The following ARHGAP42 variants were observed in gnomAD, a reference collection of about 807,000 sequenced individuals.
The protein encoded by ARHGAP42 is rho GTPase-activating protein 42.
ARHGAP42 carries 63 observed loss-of-function variants against 125.0 expected under a neutral mutation model. That is an observed-to-expected ratio of 0.50 (90% CI 0.41 to 0.62). The LOEUF (loss-of-function observed/expected upper bound fraction) is 0.62, where lower values mean the gene tolerates loss of function less well. Ranked by LOEUF, ARHGAP42 falls within the 20% of genes least tolerant of loss-of-function variation. The pLI is 0.00. For synonymous variants in ARHGAP42, 339 were observed against 351.0 expected (o/e 0.97, Z 0.38); for missense variants, 766 against 1,024.2 (o/e 0.75, Z 3.44).
At chr11:100,891,930 T>C (rs761007095) in intron 4 of ARHGAP42, among the ~76,000 whole-genome samples, 4 of 152,134 alleles carry the variant, frequency 2.6e-5, no homozygotes, top group Non-Finnish European at 5.9e-5. Context: ...GAGTGAGAGC[T>C]AGCAGGGGAA....
At chr11:100,734,642 G>A (rs1309484838) in intron 1 of ARHGAP42, among the ~76,000 whole-genome samples, 1 of 152,184 alleles carries the variant, frequency 6.6e-6, no homozygotes, top group East Asian at 1.9e-4. Flanking sequence ...TTTTCTTAAA[G>A]TTTTCATGTA....
At chr11:100,949,786 T>C (rs980181317) in intron 11 of ARHGAP42, 131 bp from the exon 12 acceptor site, 18 of 476,450 alleles carry the variant, frequency 3.8e-5, no homozygotes, top group Non-Finnish European at 5.8e-5. Context: ...GGTGGTGCTG[T>C]GGACACAGCA....
chr11:100,887,477 T>C (rs922677503), intron 4 of ARHGAP42, among the ~76,000 whole-genome samples: 1 of 152,252 alleles, frequency 6.6e-6, no homozygotes, highest in Non-Finnish European at 1.5e-5. Context: ...TCATCTTTAT[T>C]TCTACTTTTT....
chr11:100,737,040 G>A (rs1252935660), intron 1 of ARHGAP42, among the ~76,000 whole-genome samples: 1 of 152,116 alleles, frequency 6.6e-6, no homozygotes, highest in Non-Finnish European at 1.5e-5. Context: ...AAGGAAAAAA[G>A]GAAGAGATAA....
At chr11:100,696,567 C>G (rs1346574809) in intron 1 of ARHGAP42, among the ~76,000 whole-genome samples, 1 of 152,028 alleles carries the variant, frequency 6.6e-6, no homozygotes, top group Non-Finnish European at 1.5e-5. Context: ...GTTGGTCAAG[C>G]TGGTCTCGAA....
At chr11:100,812,122 T>A (rs933695264) in intron 3 of ARHGAP42, among the ~76,000 whole-genome samples, 5 of 152,160 alleles carry the variant, frequency 3.3e-5, no homozygotes, top group African/African-American at 7.2e-5. Context: ...TTCTTATGAA[T>A]GAATGAGCCT....
rs1858386088 is a variant in ARHGAP42 at position 100,976,226 on chromosome 11, A to G, written c.2025A>G (p.Lys675=). 17 of 1,551,700 alleles carry G rather than the reference A, an allele frequency of 1.1e-5. No homozygotes were observed. Among genetic ancestry groups the G allele is most frequent in the East Asian group, 2.4e-5 (1 of 40,916 alleles). The part of the protein sequence containing the change: ...IATPSSSNGQ[K]SLGLWTTSPE... The stretch of plus-strand genomic sequence containing the variant: ...CCCCATCATCTTCCAATGGACAGAA[A>G]AGCCTTGGTCTGTGGACAACTAGTC... Residue 675 remains lysine (K), a synonymous_variant, in exon 20 of 24, where the codon AAA becomes AAG. Transcript: ENST00000298815.
intron 1 of ARHGAP42, among the ~76,000 whole-genome samples, chr11:100,745,184 T>C (rs1238809102): frequency 6.6e-6 from 1 of 152,138 alleles, no homozygotes; most frequent in Non-Finnish European, 1.5e-5. Context: ...GGAAGTTAAG[T>C]TTAAAAGTAG....
intron 4 of ARHGAP42, among the ~76,000 whole-genome samples, chr11:100,894,742 A>AT (rs1413205384): frequency 1.3e-5 from 2 of 152,142 alleles, no homozygotes; most frequent in African/African-American, 4.8e-5. Context: ...TTAATGTGAA[A>AT]TTTTGATAAT....
intron 12 of ARHGAP42, among the ~76,000 whole-genome samples, chr11:100,955,641 G>A (rs1857783318): frequency 6.6e-6 from 1 of 152,092 alleles, no homozygotes; most frequent in Non-Finnish European, 1.5e-5. Context: ...TATTTCTCCT[G>A]TGTAGGATAC....
chr11:100,879,411 A>G (rs1865904499), intron 4 of ARHGAP42, among the ~76,000 whole-genome samples: 1 of 152,162 alleles, frequency 6.6e-6, no homozygotes. Context: ...GAACTTCTCC[A>G]CCTGTACCAC....
At chr11:100,738,571 C>A (rs1267243852) in intron 1 of ARHGAP42, 1 of 152,118 alleles carries the variant, frequency 6.6e-6, no homozygotes, top group Non-Finnish European at 1.5e-5. Context: ...TTGCTCTTGG[C>A]CATTTACCTG....
intron 3 of ARHGAP42, among the ~76,000 whole-genome samples, chr11:100,801,850 C>T (rs1298345522): frequency 6.6e-6 from 1 of 152,132 alleles, no homozygotes; most frequent in Admixed American, 6.5e-5. Context: ...TTTAATGGCA[C>T]AAATATAAGA....
At chr11:100,974,780 A>C (rs555821536) in intron 19 of ARHGAP42, among the ~76,000 whole-genome samples, 177 bp downstream of exon 19, 248 of 152,256 alleles carry the variant, frequency 1.6e-3, no homozygotes, top group Non-Finnish European at 2.8e-3. Context: ...TTGGGTAAGC[A>C]AATTCATTAT....
chr11:100,704,760 A>G (rs2120216992), intron 1 of ARHGAP42, among the ~76,000 whole-genome samples: 1 of 151,870 alleles, frequency 6.6e-6, no homozygotes, highest in East Asian at 1.9e-4. Context: ...GGAGTTGGAG[A>G]CCAGCCTGGG....
intron 4 of ARHGAP42, among the ~76,000 whole-genome samples, chr11:100,864,254 G>A (rs1255656033): frequency 2.0e-5 from 3 of 150,512 alleles, no homozygotes; most frequent in African/African-American, 4.9e-5. Context: ...GCGCAATCTC[G>A]GCTCACTGCA....
At chr11:100,719,826 A>G (rs866496282) in intron 1 of ARHGAP42, among the ~76,000 whole-genome samples, 40 of 152,200 alleles carry the variant, frequency 2.6e-4, no homozygotes, top group African/African-American at 8.4e-4. Context: ...TCACACATTC[A>G]TAGAGAAGTG....
chr11:100,737,472 G>A (rs1341605512), intron 1 of ARHGAP42, among the ~76,000 whole-genome samples: 2 of 152,112 alleles, frequency 1.3e-5, no homozygotes, highest in African/African-American at 2.4e-5. Context: ...CACTATATGA[G>A]GTTCATGTAT....
At position 100,921,241 on chromosome 11, in the gene ARHGAP42, ATATATTTTTTTTTTTTTTTTT is replaced by A. The variant is rs1227160006; in HGVS notation, c.487-251_487-231del. On this transcript the variant is annotated intron_variant, in intron 5 of 23. Transcript: ENST00000298815. Reference sequence around the variant, plus strand: ...TATATATATATATATATATATATATATATATTTTTTTTTTTTTTTTTTTTTTTTTTTTACTGCAATGGGTAT... The same window carrying A: ...TATATATATATATATATATATATATATTTTTTTTTTTACTGCAATGGGTAT... 2.0e-4 allele frequency among the ~76,000 whole-genome samples: 5 copies of A among 25,116 alleles called. No individual in the cohort carries two copies. The East Asian group carries it at 6.2e-3, about 31-fold the overall frequency. 16.5% of individuals were successfully genotyped at this position (25,116 alleles called of 152,430 possible). A position where few individuals can be genotyped will look rare whatever the true frequency, so the allele number is the denominator to read the frequency against.
Sources: gnomAD v4.1 joint callset for allele counts (sites outside exome capture counted in the v4.1 genomes callset) on GRCh38, gnomAD v4.1.1 for gene constraint, MANE v1.5 for transcripts, NCBI Gene and HGNC (gene_info 2026-07-23, HGNC 2026-07-21) for gene names.